DOCK5: variants seen among roughly 807,000 people sequenced by gnomAD.
DOCK5 encodes dedicator of cytokinesis protein 5.
A neutral mutation model predicts 251.8 loss-of-function variants in DOCK5; 142 were observed. The observed-to-expected ratio is 0.56, with a 90% CI of 0.49 to 0.65. DOCK5 has a LOEUF of 0.65. Ranked by LOEUF, DOCK5 falls within the 30% of genes least tolerant of loss-of-function variation. DOCK5 has a pLI of 0.00. For synonymous variants in DOCK5, 842 were observed against 835.5 expected (o/e 1.01, Z -0.13); for missense variants, 2,111 against 2,312.3 (o/e 0.91, Z 1.79).
At chr8:25,267,895 C>T (rs1803804960) in intron 2 of DOCK5, among the ~76,000 whole-genome samples, 1 of 151,410 alleles carries the variant, frequency 6.6e-6, no homozygotes, top group Non-Finnish European at 1.5e-5. Flanking sequence ...CGGAGTCTCG[C>T]TCTGTTGCCT....
chr8:25,318,121 C>T lies in DOCK5; in HGVS notation c.1443+990C>T, dbSNP rs114816623. Among the ~76,000 whole-genome samples the T allele has an allele frequency of 8.0e-3, 1,212 of 152,120 alleles. 15 individuals carry two copies. The highest frequency in any genetic ancestry group is 0.028 in the African/African-American group (1,171 of 41,496). ...GTTGTTGTTGTTTGATGGAGTCTTGCACTGTCACCCAGGATGAAGTGCAGT... is the reference window on the plus strand; with the variant it reads ...GTTGTTGTTGTTTGATGGAGTCTTGTACTGTCACCCAGGATGAAGTGCAGT... On this transcript the variant is annotated intron_variant, in intron 14 of 51. Coordinates refer to ENST00000276440, the MANE Select transcript of DOCK5 (RefSeq NM_024940.8).
intron 45 of DOCK5, among the ~76,000 whole-genome samples, chr8:25,397,062 A>G (rs1801358702): frequency 6.6e-6 from 1 of 151,950 alleles, no homozygotes; most frequent in African/African-American, 2.4e-5. Flanking sequence ...TCTAATAAAA[A>G]CATAAAAAAA....
intron 1 of DOCK5, among the ~76,000 whole-genome samples, chr8:25,239,826 A>G (rs1381020031): frequency 6.6e-6 from 1 of 152,162 alleles, no homozygotes; most frequent in African/African-American, 2.4e-5. Context: ...GCTCAATAGT[A>G]AAATAAATTC....
chr8:25,269,941 C>A, intron 3 of DOCK5, among the ~76,000 whole-genome samples: 1 of 152,202 alleles, frequency 6.6e-6, no homozygotes, highest in Non-Finnish European at 1.5e-5. Context: ...ACACCCAACT[C>A]TCCAAAGAGT....
chr8:25,280,971 A>C (rs568198910), intron 5 of DOCK5, among the ~76,000 whole-genome samples: 1 of 147,366 alleles, frequency 6.8e-6, no homozygotes, highest in African/African-American at 2.5e-5. Context: ...TTGGGAAAGG[A>C]GTTTTTTTTT....
intron 41 of DOCK5, among the ~76,000 whole-genome samples, 197 bp from the exon 42 acceptor site, chr8:25,390,009 T>A (rs191958493): frequency 6.7e-6 from 1 of 148,600 alleles, no homozygotes; most frequent in East Asian, 2.0e-4. Context: ...GGCCCTAGGA[T>A]TAATTATAAT....
intron 48 of DOCK5, among the ~76,000 whole-genome samples, chr8:25,406,475 G>GA (rs1401982273): frequency 1.3e-5 from 2 of 152,090 alleles, no homozygotes; most frequent in Admixed American, 6.5e-5. Flanking sequence ...ACCCTGCCTG[G>GA]AAATCAAATA....
At chr8:25,220,590 C>T (rs370149025) in intron 1 of DOCK5, among the ~76,000 whole-genome samples, 4 of 152,030 alleles carry the variant, frequency 2.6e-5, no homozygotes, top group African/African-American at 7.2e-5. Context: ...TCCCTGAGGC[C>T]GGAACATCTC....
intron 1 of DOCK5, among the ~76,000 whole-genome samples, chr8:25,221,564 C>T (rs1802391519): frequency 6.6e-6 from 1 of 152,166 alleles, no homozygotes; most frequent in African/African-American, 2.4e-5. Flanking sequence ...GCCTTGGCCT[C>T]CCAAAGTGCT....
chr8:25,356,623 C>T (rs1424186257), intron 27 of DOCK5, among the ~76,000 whole-genome samples: 6 of 151,896 alleles, frequency 4.0e-5, no homozygotes, highest in African/African-American at 1.2e-4. Flanking sequence ...CAGCCATGAT[C>T]GCCACTGCAC....
intron 1 of DOCK5, among the ~76,000 whole-genome samples, chr8:25,205,698 C>A (rs1016257223): frequency 1.3e-5 from 2 of 152,188 alleles, no homozygotes; most frequent in African/African-American, 2.4e-5. Context: ...CCCAAATCAG[C>A]TGGTGAACTC....
At chr8:25,375,700 A>G (rs1184838065) in intron 37 of DOCK5, 14 of 983,974 alleles carry the variant, frequency 1.4e-5, no homozygotes, top group South Asian at 4.7e-5. Flanking sequence ...AAAGTAATAT[A>G]TGGGCATTGT....
At chr8:25,220,705 G>T (rs968262295) in intron 1 of DOCK5, among the ~76,000 whole-genome samples, 3 of 152,258 alleles carry the variant, frequency 2.0e-5, no homozygotes, top group African/African-American at 7.2e-5. Flanking sequence ...TCCGCCTCTG[G>T]GGTTCAAAGT....
intron 38 of DOCK5, among the ~76,000 whole-genome samples, chr8:25,378,401 T>G (rs1645254283): frequency 6.6e-6 from 1 of 152,354 alleles, no homozygotes; most frequent in Non-Finnish European, 1.5e-5. Context: ...TCTTCCCTTG[T>G]GTATTCTTGA....
chr8:25,259,843 G>T (rs996604852), intron 2 of DOCK5, among the ~76,000 whole-genome samples: 3 of 152,148 alleles, frequency 2.0e-5, no homozygotes, highest in Non-Finnish European at 4.4e-5. Flanking sequence ...CCACAAAATT[G>T]AGCTCAGATA....
chr8:25,185,466 C>G (rs1157404884), intron 1 of DOCK5, among the ~76,000 whole-genome samples: 5 of 152,132 alleles, frequency 3.3e-5, no homozygotes, highest in Non-Finnish European at 7.4e-5. Flanking sequence ...CCTCCAGAGA[C>G]TGGGATCTTG....
intron 1 of DOCK5, among the ~76,000 whole-genome samples, chr8:25,242,006 G>T (rs1005254034): frequency 6.6e-6 from 1 of 152,026 alleles, no homozygotes; most frequent in East Asian, 1.9e-4. Context: ...CCTTTTGGGG[G>T]GTGGGGGTCT....
chr8:25,348,262 G>A (rs1467359425), intron 26 of DOCK5, among the ~76,000 whole-genome samples: 3 of 152,062 alleles, frequency 2.0e-5, no homozygotes, highest in Admixed American at 6.5e-5. Flanking sequence ...TTTTGGAATT[G>A]TCCTGGTTCT....
At chr8:25,384,418 C>G (rs900181199) in intron 40 of DOCK5, among the ~76,000 whole-genome samples, 2 of 144,234 alleles carry the variant, frequency 1.4e-5, no homozygotes, top group Non-Finnish European at 3.0e-5. Context: ...TAGATTATGT[C>G]TTAATATTAT....
Sources: gnomAD v4.1 joint callset for allele counts (sites outside exome capture counted in the v4.1 genomes callset) on GRCh38, gnomAD v4.1.1 for gene constraint, MANE v1.5 for transcripts, NCBI Gene and HGNC (gene_info 2026-07-23, HGNC 2026-07-21) for gene names.